LRRIQ4: variants seen among roughly 807,000 people sequenced by gnomAD.
LRRIQ4 encodes the protein leucine-rich repeat and IQ domain-containing protein 4.
LRRIQ4 carries 21 observed loss-of-function variants against 40.1 expected under a neutral mutation model. The ratio of observed to expected loss-of-function variants is 0.52; its 90% confidence interval spans 0.37 to 0.75. LRRIQ4 has a LOEUF of 0.75. Ranked by LOEUF, LRRIQ4 falls within the 30% of genes least tolerant of loss-of-function variation. The pLI, the probability that LRRIQ4 is intolerant of heterozygous loss-of-function variation, is 0.00. For synonymous variants in LRRIQ4, 277 were observed against 277.1 expected, an observed-to-expected ratio of 1.00 and a Z score of 0.00; for missense variants, 655 against 660.0, an observed-to-expected ratio of 0.99 and a Z score of 0.08.
At chr3:169,834,088 G>A (rs897883745) in intron 5 of LRRIQ4, among the ~76,000 whole-genome samples, 17 of 152,164 alleles carry the variant, frequency 1.1e-4, no homozygotes, top group South Asian at 2.1e-4. Flanking sequence ...CAGGCCTGGC[G>A]CGGTGGCTCT....
intron 1 of LRRIQ4, among the ~76,000 whole-genome samples, chr3:169,816,921 T>C (rs770121271): frequency 1.6e-4 from 24 of 152,200 alleles, no homozygotes; most frequent in Non-Finnish European, 2.8e-4. Context: ...TCCACTTGCC[T>C]CAGCCTCCCA....
intron 5 of LRRIQ4, among the ~76,000 whole-genome samples, chr3:169,835,513 G>A (rs1014426569): frequency 1.3e-5 from 2 of 151,960 alleles, no homozygotes; most frequent in African/African-American, 4.8e-5. Flanking sequence ...CTGCAGTTAT[G>A]TTCTCGGGAT....
At chr3:169,833,274 C>A in intron 5 of LRRIQ4, 91 bp downstream of exon 5, 1 of 1,013,110 alleles carries the variant, frequency 9.9e-7, no homozygotes, top group Non-Finnish European at 1.4e-6. Flanking sequence ...CAACTCCTTA[C>A]ACCCTTGTCC....
chr3:169,827,218 A>C lies in LRRIQ4; in HGVS notation c.1021-1541A>C, dbSNP rs554746336. ...GCCAGATAAAGGAACATATGAGTTA[A>C]GGAGCTGTTGAGCTATATAGCTGGG... On this transcript the variant is annotated intron_variant, in intron 2 of 5. Coordinates refer to ENST00000340806, the MANE Select transcript of LRRIQ4 (RefSeq NM_001080460.3). Among the ~76,000 whole-genome samples, 795 of 152,336 alleles carry C rather than the reference A, an allele frequency of 5.2e-3. 4 individuals carry two copies. The highest frequency in any genetic ancestry group is 9.5e-3 in the Non-Finnish European group (643 of 68,034).
chr3:169,828,671 G>A, intron 2 of LRRIQ4, 88 bp from the exon 3 acceptor site: 3 of 1,184,782 alleles, frequency 2.5e-6, no homozygotes, highest in Non-Finnish European at 2.4e-6. Context: ...CACTTGTTTA[G>A]CAGTCTGCCT....
intron 4 of LRRIQ4, among the ~76,000 whole-genome samples, chr3:169,831,041 GGA>G (rs1780160072): frequency 6.6e-6 from 1 of 152,008 alleles, no homozygotes; most frequent in East Asian, 1.9e-4. Flanking sequence ...GAAATTAGCA[GGA>G]GACTTTCTTG....
intron 1 of LRRIQ4, among the ~76,000 whole-genome samples, chr3:169,815,830 G>A (rs915850849): frequency 1.3e-5 from 2 of 152,112 alleles, no homozygotes; most frequent in African/African-American, 4.8e-5. Context: ...CCAGTTTATT[G>A]AGGGCTTTTA....
intron 2 of LRRIQ4, among the ~76,000 whole-genome samples, chr3:169,826,315 C>G (rs981592670): frequency 2.0e-5 from 3 of 151,664 alleles, no homozygotes; most frequent in African/African-American, 7.3e-5. Flanking sequence ...TCGCTTGAAC[C>G]CAGGAGGCAG....
At chr3:169,821,850 G>A (rs1779897140) in intron 1 of LRRIQ4, 41 bp from the exon 2 acceptor site, 1 of 1,110,362 alleles carries the variant, frequency 9.0e-7, no homozygotes, top group African/African-American at 1.6e-5. Context: ...TCTGGTGGCA[G>A]GTAAATTCTA....
At chr3:169,826,775 T>C (rs1780049536) in intron 2 of LRRIQ4, among the ~76,000 whole-genome samples, 1 of 152,212 alleles carries the variant, frequency 6.6e-6, no homozygotes, top group Non-Finnish European at 1.5e-5. Context: ...AAGTGCTTGA[T>C]GAAGAATTTT....
At chr3:169,814,043 C>A (rs1779702426) in intron 1 of LRRIQ4, among the ~76,000 whole-genome samples, 1 of 152,114 alleles carries the variant, frequency 6.6e-6, no homozygotes, top group African/African-American at 2.4e-5. Context: ...AGGCGGCTTG[C>A]GTCAATCAGC....
At chr3:169,818,777 T>G (rs1779814855) in intron 1 of LRRIQ4, among the ~76,000 whole-genome samples, 1 of 152,208 alleles carries the variant, frequency 6.6e-6, no homozygotes, top group African/African-American at 2.4e-5. Flanking sequence ...TCACCAGTTT[T>G]TAGAAGGAGA....
Position 169,833,078 on chromosome 3 carries a change from G to T in LRRIQ4, c.1425G>T (p.Met475Ile). ...SLVNLKVLTL[M>I]DNPMEEPPKE... is the part of the protein sequence containing the mutation. ...TGAATCTTAAGGTTCTGACACTGATGGACAATCCCATGGAAGAACCCCCAA... is the reference window on the plus strand; with the variant it reads ...TGAATCTTAAGGTTCTGACACTGATTGACAATCCCATGGAAGAACCCCCAA... Residue 475 changes from methionine to isoleucine, a missense_variant, in exon 5 of 6, where the codon ATG becomes ATT. By Grantham distance (10) the Met-to-Ile change is conservative. Coordinates refer to ENST00000340806, the MANE Select transcript of LRRIQ4 (RefSeq NM_001080460.3). The T allele has an allele frequency of 1.2e-6, 2 of 1,613,846 alleles. No individual in the cohort carries two copies. Among genetic ancestry groups the T allele is most frequent in the Non-Finnish European group, 1.7e-6 (2 of 1,179,780 alleles).
intron 2 of LRRIQ4, among the ~76,000 whole-genome samples, chr3:169,826,269 G>A (rs1164393456): frequency 6.6e-6 from 1 of 151,896 alleles, no homozygotes; most frequent in African/African-American, 2.4e-5. Flanking sequence ...GTGGGCACCT[G>A]TAATCCCAGC....
Position 169,837,603 on chromosome 3 carries a change from G to GA in LRRIQ4, c.1659dup (p.Pro554ThrfsTer11), listed in dbSNP as rs754972775. The GA allele has an allele frequency of 6.3e-7, 1 of 1,585,066 alleles. No individual in the cohort carries two copies. The highest frequency in any genetic ancestry group is 8.6e-7 in the Non-Finnish European group (1 of 1,166,758). ...AAGAAAGGAAAGAAGGATGTAAAAG[G>GA]AAAACCAGGAAAGGGAAAAAAGAAA... is the stretch of plus-strand genomic sequence containing the variant. On this transcript the variant is annotated frameshift_variant, in exon 6 of 6. Transcript: ENST00000340806. LOFTEE classifies it high-confidence loss of function.
intron 1 of LRRIQ4, among the ~76,000 whole-genome samples, chr3:169,820,725 C>T (rs1360694298): frequency 6.6e-6 from 1 of 152,068 alleles, no homozygotes; most frequent in Non-Finnish European, 1.5e-5. Flanking sequence ...CTGGGTTGGG[C>T]TTTAGTTCAT....
Position 169,837,693 on chromosome 3 carries a change from G to A in LRRIQ4, c.*62G>A. ...TAGATTAAGAAGACAAAATATCTAG[G>A]AATTAGATGCCTACTACATTAAAAT... On this transcript the variant is annotated 3_prime_UTR_variant, in exon 6 of 6. Transcript: ENST00000340806. The A allele has an allele frequency of 1.6e-6, 2 of 1,241,852 alleles. No homozygotes were observed. Among genetic ancestry groups the A allele is most frequent in the South Asian group, 1.6e-5 (1 of 63,870 alleles). 76.9% of individuals were successfully genotyped at this position (1,241,852 alleles called of 1,614,324 possible). A position where few individuals can be genotyped will look rare whatever the true frequency, so the allele number is the denominator to read the frequency against.
intron 1 of LRRIQ4, among the ~76,000 whole-genome samples, chr3:169,819,820 C>T (rs979178864): frequency 1.3e-5 from 2 of 152,188 alleles, no homozygotes; most frequent in Non-Finnish European, 1.5e-5. Context: ...CCTCAGTCTA[C>T]ATACTGTGGA....
intron 3 of LRRIQ4, 110 bp from the exon 4 acceptor site, chr3:169,830,377 GAAAAA>G (rs56795981): frequency 7.4e-3 from 786 of 106,330 alleles, no homozygotes; most frequent in African/African-American, 0.02. Flanking sequence ...CACTGAAAGT[GAAAAA>G]AAAAAAAAAA....
Sources: gnomAD v4.1 joint callset for allele counts (sites outside exome capture counted in the v4.1 genomes callset) on GRCh38, gnomAD v4.1.1 for gene constraint, MANE v1.5 for transcripts, NCBI Gene and HGNC (gene_info 2026-07-23, HGNC 2026-07-21) for gene names.